The following MAP3K9 variants were observed in gnomAD, a reference collection of about 807,000 sequenced individuals.
MAP3K9 encodes the protein mitogen-activated protein kinase kinase kinase 9.
A neutral mutation model predicts 95.8 loss-of-function variants in MAP3K9; 46 were observed. The observed-to-expected ratio is 0.48, with a 90% CI of 0.38 to 0.61. MAP3K9 has a LOEUF of 0.61. MAP3K9 is among the 20% of genes least tolerant of loss of function. MAP3K9 has a pLI of 0.00. For missense variants in MAP3K9, 1,296 were observed against 1,474.3 expected (o/e 0.88, Z 1.98); for synonymous variants, 533 against 593.8 (o/e 0.90, Z 1.49).
At chr14:70,792,695 G>A (rs546882464) in intron 2 of MAP3K9, among the ~76,000 whole-genome samples, 1 of 152,190 alleles carries the variant, frequency 6.6e-6, no homozygotes, top group Non-Finnish European at 1.5e-5. Context: ...CGTGCAGGAC[G>A]ACACTAGAGA....
intron 3 of MAP3K9, 98 bp downstream of exon 3, chr14:70,760,904 G>A (rs2054364590): frequency 7.5e-7 from 1 of 1,326,110 alleles, no homozygotes; most frequent in Non-Finnish European, 1.0e-6. Context: ...TACTTCAGGT[G>A]CCTGGGATCC....
chr14:70,771,868 T>C (rs989623004), intron 2 of MAP3K9, among the ~76,000 whole-genome samples: 3 of 152,326 alleles, frequency 2.0e-5, no homozygotes, highest in Middle Eastern at 3.4e-3. Context: ...GGAAGGAAGA[T>C]GATCTCAGAC....
At chr14:70,747,783 CATT>C (rs2054168076) in intron 5 of MAP3K9, among the ~76,000 whole-genome samples, 1 of 152,172 alleles carries the variant, frequency 6.6e-6, no homozygotes, top group South Asian at 2.1e-4. Flanking sequence ...TTTTAGCTAT[CATT>C]ATTATCACAT....
intron 2 of MAP3K9, among the ~76,000 whole-genome samples, chr14:70,769,645 C>T (rs921270760): frequency 6.6e-6 from 1 of 152,208 alleles, no homozygotes; most frequent in African/African-American, 2.4e-5. Context: ...ACCCTTCTAG[C>T]TTCTAGCAGT....
At chr14:70,733,504 AG>A in intron 10 of MAP3K9, 162 bp from the exon 11 acceptor site, 1 of 604,494 alleles carries the variant, frequency 1.7e-6, no homozygotes, top group Non-Finnish European at 3.0e-6. Context: ...CACTGAACCA[AG>A]GGGGCTTTAT....
At position 70,800,926 on chromosome 14, in the gene MAP3K9, A is replaced by G; in HGVS notation, c.561T>C (p.Asn187=). 1 of 1,614,178 alleles carries G rather than the reference A, an allele frequency of 6.2e-7. No homozygotes were observed. Among genetic ancestry groups the G allele is most frequent in the Non-Finnish European group, 8.5e-7 (1 of 1,180,038 alleles). ...CGAAGAGCTTGGCCTCTTGGCGAAC[A>G]TTCTCTATGGTCTGGCTGATGTCCT... ...PDEDISQTIE[N]VRQEAKLFAM... Residue 187 remains asparagine, a synonymous_variant, in exon 2 of 12, where the codon AAT becomes AAC. Coordinates refer to ENST00000554752, the MANE Select transcript of MAP3K9 (RefSeq NM_001284230.2).
At chr14:70,740,860 T>C (rs1384448420) in intron 6 of MAP3K9, among the ~76,000 whole-genome samples, 1 of 152,244 alleles carries the variant, frequency 6.6e-6, no homozygotes, top group Non-Finnish European at 1.5e-5. Flanking sequence ...ATCTGCATCC[T>C]GACATGCAAC....
chr14:70,735,732 T>A (rs777312477), intron 9 of MAP3K9, among the ~76,000 whole-genome samples: 1 of 152,064 alleles, frequency 6.6e-6, no homozygotes, highest in Non-Finnish European at 1.5e-5. Flanking sequence ...GTGCCAGGAG[T>A]ATCCTAATTG....
Position 70,749,952 on chromosome 14 carries a change from A to C in MAP3K9, c.1131T>G (p.Pro377=). 7 of 1,614,120 alleles carry C rather than the reference A, an allele frequency of 4.3e-6. No individual in the cohort carries two copies. The highest frequency in any genetic ancestry group is 5.9e-6 in the Non-Finnish European group (7 of 1,179,980). The change falls in exon 4 of 12, where the codon CCT becomes CCG. Residue 377 remains proline, a synonymous_variant. Coordinates refer to ENST00000554752, the MANE Select transcript of MAP3K9 (RefSeq NM_001284230.2). ...ALPIPSTCPE[P]FAKLMEDCWN... is the part of the protein sequence containing the mutation. ...ACTTACCTTCCATGAGTTTGGCAAA[A>C]GGTTCTGGGCACGTAGAAGGAATAG...
At chr14:70,783,411 C>T (rs762473939) in intron 2 of MAP3K9, 202 of 985,228 alleles carry the variant, frequency 2.1e-4, no homozygotes, top group Non-Finnish European at 2.3e-4. Context: ...TAGAAAGAAG[C>T]TCCCTCATTT....
At chr14:70,798,216 G>A (rs368744811) in intron 2 of MAP3K9, among the ~76,000 whole-genome samples, 5 of 152,104 alleles carry the variant, frequency 3.3e-5, no homozygotes, top group East Asian at 3.8e-4. Flanking sequence ...AGGTAAAAAC[G>A]TGTATGAAGA....
chr14:70,739,511 C>CAG (rs1187960685), intron 7 of MAP3K9, among the ~76,000 whole-genome samples: 3 of 150,478 alleles, frequency 2.0e-5, no homozygotes, highest in African/African-American at 7.3e-5. Context: ...TTCACACACA[C>CAG]ACACACACAC....
chr14:70,736,086 T>C, intron 8 of MAP3K9, 57 bp from the exon 9 acceptor site: 5 of 1,163,958 alleles, frequency 4.3e-6, no homozygotes, highest in Non-Finnish European at 6.5e-6. Context: ...CAGCTCAGCC[T>C]CTCCCACACC....
rs889604673 is a variant in MAP3K9 at position 70,740,295 on chromosome 14, G to A, written c.1568-131C>T. Reference sequence around the variant, plus strand: ...TCCTGAAAAGCTCTTTGTTCACCTGGGAAATGTTCTCTTTTAGAATCATCT... The same window carrying A: ...TCCTGAAAAGCTCTTTGTTCACCTGAGAAATGTTCTCTTTTAGAATCATCT... On this transcript the variant is annotated intron_variant, in intron 6 of 11. Transcript: ENST00000554752. 1.3e-5 allele frequency: 12 copies of A among 922,596 alleles called. No individual in the cohort carries two copies. In the African/African-American group the frequency reaches 2.0e-4, roughly 16 times the overall value. The allele number at this position is 922,596 out of a possible 1,614,324, so 57.2% of individuals were successfully genotyped here.
intron 3 of MAP3K9, among the ~76,000 whole-genome samples, chr14:70,755,131 T>C (rs953159434): frequency 3.9e-5 from 6 of 152,088 alleles, no homozygotes; most frequent in African/African-American, 1.4e-4. Context: ...TCCAGGAGGG[T>C]TGAGGTGTGG....
rs1170327816 is a variant in MAP3K9 at position 70,798,471 on chromosome 14, G to GTTTTTTTTTT, written c.820+2186_820+2195dup. ...TTACTTTGAAAAGAGGTCACCAAAA[G>GTTTTTTTTTT]TTTTTTTTTTTTTTTTTTTTTTTTT... is the stretch of plus-strand genomic sequence containing the variant. On this transcript the variant is annotated intron_variant, in intron 2 of 11. Coordinates refer to ENST00000554752, the MANE Select transcript of MAP3K9 (RefSeq NM_001284230.2). 1.7e-3 allele frequency among the ~76,000 whole-genome samples: 112 copies of GTTTTTTTTTT among 65,434 alleles called. 6 individuals are homozygous for GTTTTTTTTTT. Among genetic ancestry groups the GTTTTTTTTTT allele is most frequent in the Non-Finnish European group, 2.5e-3 (93 of 36,526 alleles). The allele number at this position is 65,434 out of a possible 152,430, so 42.9% of individuals were successfully genotyped here. A position where few individuals can be genotyped will look rare whatever the true frequency, so the allele number is the denominator to read the frequency against.
intron 1 of MAP3K9, among the ~76,000 whole-genome samples, chr14:70,803,598 C>T (rs1290017618): frequency 6.6e-6 from 1 of 152,122 alleles, no homozygotes; most frequent in East Asian, 1.9e-4. Flanking sequence ...ACCTCTATCC[C>T]ATCTGAGGTT....
chr14:70,803,337 TAAAAAAA>T (rs10583563), intron 1 of MAP3K9, among the ~76,000 whole-genome samples: 27 of 75,198 alleles, frequency 3.6e-4, no homozygotes, highest in South Asian at 8.7e-4. Context: ...ATTCAGATCT[TAAAAAAA>T]AAAAAAAAAA....
At position 70,724,100 on chromosome 14, in the gene MAP3K9, GGAC is replaced by G. The variant is rs1230691851; in HGVS notation, c.*6277_*6279del. The G allele has an allele frequency of 6.6e-6, 1 of 152,186 alleles. No individual in the cohort carries two copies. Among genetic ancestry groups the G allele is most frequent in the Admixed American group, 6.5e-5 (1 of 15,276 alleles). 9.4% of individuals were successfully genotyped at this position (152,186 alleles called of 1,614,324 possible). A position where few individuals can be genotyped will look rare whatever the true frequency, so the allele number is the denominator to read the frequency against. On this transcript the variant is annotated 3_prime_UTR_variant, in exon 12 of 12. Transcript: ENST00000554752. ...TTCACTTTAGTCCCTTCTGAAATCT[GGAC>G]GAGAGAATGAATGAAGTTCATTCAC...
Sources: allele counts gnomAD v4.1 joint callset (sites outside exome capture counted in the v4.1 genomes callset), GRCh38; gene constraint gnomAD v4.1.1; transcripts MANE v1.5; gene names NCBI Gene and HGNC (gene_info 2026-07-23, HGNC 2026-07-21).